The following MOSPD2 variants were observed in gnomAD, a reference collection of about 807,000 sequenced individuals.
MOSPD2 encodes motile sperm domain-containing protein 2.
MOSPD2 carries 5 observed loss-of-function variants against 41.7 expected under a neutral mutation model. The observed-to-expected ratio is 0.12, with a 90% CI of 0.06 to 0.25. MOSPD2 has a LOEUF of 0.25. Ranked by LOEUF, MOSPD2 falls within the 10% of genes least tolerant of loss-of-function variation. The pLI is 1.00. For missense variants in MOSPD2, 282 were observed against 375.2 expected (o/e 0.75, Z 2.05); for synonymous variants, 115 against 126.9 (o/e 0.91, Z 0.63).
chrX:14,916,879 A>G (rs2092601112), intron 13 of MOSPD2, among the ~76,000 whole-genome samples: 1 of 112,592 alleles, frequency 8.9e-6, no homozygotes, highest in Admixed American at 9.4e-5. Context: ...ATGTATGTGC[A>G]TGTATATAGA....
chrX:14,918,103 A>G (rs929179313), intron 13 of MOSPD2, among the ~76,000 whole-genome samples: 2 of 112,092 alleles, frequency 1.8e-5, no homozygotes, highest in Non-Finnish European at 3.8e-5. Context: ...GACACTGGTT[A>G]TGGGAATATT....
intron 2 of MOSPD2, 167 bp downstream of exon 2, chrX:14,873,925 C>G (rs1393984578): frequency 2.0e-6 from 1 of 489,037 alleles, no homozygotes; most frequent in African/African-American, 2.4e-5. Flanking sequence ...AAGCCGTGTG[C>G]ACTGCTTCAA....
At chrX:14,912,998 T>C (rs1015316310) in intron 10 of MOSPD2, among the ~76,000 whole-genome samples, 10 of 112,155 alleles carry the variant, frequency 8.9e-5, no homozygotes, top group African/African-American at 1.9e-4. Context: ...ATATCTCTTA[T>C]GAACAATATA....
Position 14,905,572 on chromosome X carries a change from C to T in MOSPD2, c.577+2568C>T, listed in dbSNP as rs62578664. Among the ~76,000 whole-genome samples, 830 of 111,208 alleles carry T rather than the reference C, an allele frequency of 7.5e-3. 6 individuals are homozygous for T. The highest frequency in any genetic ancestry group is 0.011 in the Non-Finnish European group (581 of 53,008). ...ACATTATCACAATCTCAGCTCACTG[C>T]ATCCTCTGCCTCCCAGGTTCAAACG... is the stretch of plus-strand genomic sequence containing the variant. On this transcript the variant is annotated intron_variant, in intron 7 of 14. Coordinates refer to ENST00000380492, the MANE Select transcript of MOSPD2 (RefSeq NM_152581.4).
At chrX:14,892,314 G>A (rs2092555327) in intron 2 of MOSPD2, among the ~76,000 whole-genome samples, 1 of 112,022 alleles carries the variant, frequency 8.9e-6, no homozygotes, top group Non-Finnish European at 1.9e-5. Context: ...AGGAAAGCAG[G>A]CATCACATGG....
rs1264077625 is a variant in MOSPD2 at position 14,895,293 on chromosome X, C to T, written c.236-15C>T. 9.6e-7 allele frequency: 1 copy of T among 1,045,147 alleles called. No individual in the cohort carries two copies. The highest frequency in any genetic ancestry group is 2.3e-5 in the Admixed American group (1 of 43,361). 86.1% of individuals were successfully genotyped at this position (1,045,147 alleles called of 1,213,427 possible). ...CCTAAATTACAACTACTGATCAAAG[C>T]TTACCACTTTTTAGACCTTAATGAA... On this transcript the variant is annotated splice_polypyrimidine_tract_variant and intron_variant, in intron 3 of 14. Transcript: ENST00000380492.
intron 7 of MOSPD2, 98 bp from the exon 8 acceptor site, chrX:14,908,762 C>A: frequency 1.2e-6 from 1 of 802,166 alleles, no homozygotes; most frequent in Non-Finnish European, 1.7e-6. Flanking sequence ...CAGATTATAG[C>A]CCAAACTGAT....
chrX:14,884,348 AAAGTATTAC>A (rs1433250112), intron 2 of MOSPD2, among the ~76,000 whole-genome samples: 1 of 111,968 alleles, frequency 8.9e-6, no homozygotes, highest in African/African-American at 3.2e-5. Context: ...AAATGGAGGT[AAAGTATTAC>A]AAGGAACTTT....
chrX:14,917,325 G>A (rs2092602156), intron 13 of MOSPD2, among the ~76,000 whole-genome samples: 1 of 112,109 alleles, frequency 8.9e-6, no homozygotes, highest in Admixed American at 9.4e-5. Context: ...TGCAAAAGGA[G>A]TGTGCTTGGC....
chrX:14,885,914 C>A (rs998076255), intron 2 of MOSPD2, among the ~76,000 whole-genome samples: 1 of 111,618 alleles, frequency 9.0e-6, no homozygotes, highest in African/African-American at 3.3e-5. Flanking sequence ...AGTTCTGGGT[C>A]CTCAATGAAC....
At chrX:14,883,119 G>A (rs751688167) in intron 2 of MOSPD2, among the ~76,000 whole-genome samples, 4 of 110,353 alleles carry the variant, frequency 3.6e-5, no homozygotes, top group Admixed American at 9.6e-5. Context: ...GCTTGAACCC[G>A]GGAGGCGGAG....
intron 2 of MOSPD2, among the ~76,000 whole-genome samples, chrX:14,876,598 A>G (rs1399441017): frequency 8.9e-6 from 1 of 111,872 alleles, no homozygotes; most frequent in East Asian, 2.8e-4. Context: ...TCAAATAAGA[A>G]ACGTTTCCCA....
In MOSPD2 at chrX:14,873,682, C is replaced by T; in HGVS notation, c.10-7C>T. ...GTATCTAAGGTCCCATCGTGTCTCC[C>T]ATCCAGAATCACGCCCAGAATAAAG... On this transcript the variant is annotated splice_region_variant and splice_polypyrimidine_tract_variant and intron_variant, in intron 1 of 14. Transcript: ENST00000380492. 2 of 1,209,536 alleles carry T rather than the reference C, an allele frequency of 1.7e-6. No individual in the cohort carries two copies. Among genetic ancestry groups the T allele is most frequent in the Non-Finnish European group, 1.1e-6 (1 of 893,476 alleles).
chrX:14,888,206 G>GCA (rs775166629), intron 2 of MOSPD2, among the ~76,000 whole-genome samples: 6,122 of 56,533 alleles, frequency 0.11, 221 homozygotes, highest in Admixed American at 0.2. Flanking sequence ...ACACACACAC[G>GCA]CACACACACA....
chrX:14,891,661 G>A (rs766562430), intron 2 of MOSPD2, among the ~76,000 whole-genome samples: 12 of 108,414 alleles, frequency 1.1e-4, no homozygotes, highest in East Asian at 2.9e-4. Context: ...TCCACCTCCC[G>A]GGTTCAAGCG....
At chrX:14,905,636 G>A (rs1286484345) in intron 7 of MOSPD2, among the ~76,000 whole-genome samples, 1 of 110,380 alleles carries the variant, frequency 9.1e-6, no homozygotes, top group Admixed American at 9.7e-5. Flanking sequence ...TGGGACTATA[G>A]GCACCTACCA....
chrX:14,904,119 TAGA>T (rs770045807), intron 7 of MOSPD2, among the ~76,000 whole-genome samples: 27 of 111,724 alleles, frequency 2.4e-4, no homozygotes, highest in Non-Finnish European at 7.5e-5. Flanking sequence ...TTCCAAGAAA[TAGA>T]AGAAGAGGGA....
At chrX:14,918,824 T>G in intron 14 of MOSPD2, 42 bp downstream of exon 14, 1 of 853,072 alleles carries the variant, frequency 1.2e-6, no homozygotes, top group Non-Finnish European at 1.7e-6. Flanking sequence ...TTGTTAATGC[T>G]GATCAACATT....
chrX:14,889,760 T>G (rs770769086), intron 2 of MOSPD2, among the ~76,000 whole-genome samples: 69 of 112,269 alleles, frequency 6.1e-4, no homozygotes, highest in African/African-American at 2.1e-3. Flanking sequence ...TGGGGCTTTC[T>G]AATTTCAAAG....
Sources: gnomAD v4.1 joint callset for allele counts (sites outside exome capture counted in the v4.1 genomes callset) on GRCh38, gnomAD v4.1.1 for gene constraint, MANE v1.5 for transcripts, NCBI Gene and HGNC (gene_info 2026-07-23, HGNC 2026-07-21) for gene names.